Variants in CFAP20DC observed in about 807,000 individuals in gnomAD.
CFAP20DC encodes the protein CFAP20 domain containing.
Under a neutral mutation model 101.7 loss-of-function variants are expected in CFAP20DC, and 84 were observed. That is an observed-to-expected ratio of 0.83 (90% CI 0.69 to 0.99). The LOEUF is 0.99. Ranked by LOEUF, CFAP20DC falls within the 50% of genes least tolerant of loss-of-function variation. The pLI is 0.00. For missense variants in CFAP20DC, 1,007 were observed against 970.3 expected, an observed-to-expected ratio of 1.04 and a Z score of -0.50; for synonymous variants, 359 against 351.2, an observed-to-expected ratio of 1.02 and a Z score of -0.25.
At chr3:58,932,167 G>A (rs774779685) in intron 5 of CFAP20DC, among the ~76,000 whole-genome samples, 1 of 152,140 alleles carries the variant, frequency 6.6e-6, no homozygotes, top group Non-Finnish European at 1.5e-5. Context: ...GGAAGAAAGG[G>A]TATCAGTGAT....
At chr3:59,016,944 T>C (rs563033958) in intron 4 of CFAP20DC, among the ~76,000 whole-genome samples, 2 of 152,194 alleles carry the variant, frequency 1.3e-5, no homozygotes, top group Non-Finnish European at 2.9e-5. Context: ...AGGCTAATGA[T>C]GAAGAGAGGG....
intron 15 of CFAP20DC, among the ~76,000 whole-genome samples, chr3:58,763,345 G>C (rs1366068919): frequency 6.6e-6 from 1 of 152,318 alleles, no homozygotes; most frequent in East Asian, 1.9e-4. Flanking sequence ...ACTGAGGCTT[G>C]TGTATTCATC....
In CFAP20DC at chr3:58,816,223, G is replaced by A. The variant is rs540711824; in HGVS notation, c.2176-9767C>T. Among the ~76,000 whole-genome samples the A allele has an allele frequency of 6.1e-3, 928 of 151,764 alleles. 10 individuals are homozygous for A. Among genetic ancestry groups the A allele is most frequent in the African/African-American group, 0.02 (842 of 41,120 alleles). ...ATGTCCTTTGTAGGGACATGGATGA[G>A]ACTGGAAATCATCATTCTCAGTAAA... On this transcript the variant is annotated intron_variant, in intron 14 of 16. Coordinates refer to ENST00000482387, the MANE Select transcript of CFAP20DC (RefSeq NM_001394063.1).
chr3:58,960,733 C>G (rs150191237), intron 4 of CFAP20DC, among the ~76,000 whole-genome samples: 149 of 152,140 alleles, frequency 9.8e-4, no homozygotes, highest in African/African-American at 3.4e-3. Context: ...GACAGCTTTC[C>G]TTTTTCCTTT....
intron 15 of CFAP20DC, among the ~76,000 whole-genome samples, chr3:58,768,013 G>C (rs1444601552): frequency 6.6e-6 from 1 of 152,094 alleles, no homozygotes; most frequent in Non-Finnish European, 1.5e-5. Context: ...TTATGGCTAA[G>C]GAATAATTCT....
intron 4 of CFAP20DC, among the ~76,000 whole-genome samples, chr3:58,963,323 T>C (rs2091303862): frequency 6.6e-6 from 1 of 151,832 alleles, no homozygotes; most frequent in Non-Finnish European, 1.5e-5. Context: ...TTGTCCAGTT[T>C]TACTATTGCT....
intron 12 of CFAP20DC, among the ~76,000 whole-genome samples, chr3:58,852,042 C>A (rs1243321431): frequency 6.6e-6 from 1 of 152,124 alleles, no homozygotes; most frequent in Non-Finnish European, 1.5e-5. Flanking sequence ...AATGCCTTGA[C>A]CAATGCCCAA....
chr3:58,942,122 T>C (rs1002113469), intron 4 of CFAP20DC, among the ~76,000 whole-genome samples: 1 of 152,232 alleles, frequency 6.6e-6, no homozygotes, highest in Admixed American at 6.5e-5. Context: ...GTTGAAATTA[T>C]CCTGTTGTTT....
chr3:58,963,657 T>C (rs1576505588), intron 4 of CFAP20DC, among the ~76,000 whole-genome samples: 1 of 152,136 alleles, frequency 6.6e-6, no homozygotes, highest in African/African-American at 2.4e-5. Context: ...GATACTTTCA[T>C]TATTCATAAA....
chr3:59,023,137 C>T (rs2093832011), intron 4 of CFAP20DC, among the ~76,000 whole-genome samples: 2 of 150,106 alleles, frequency 1.3e-5, no homozygotes, highest in Admixed American at 6.7e-5. Context: ...TAGTCCTGTT[C>T]ACCTGCTTTC....
chr3:58,726,966 C>A, intron 3 of CFAP20DC: 1 of 249,490 alleles, frequency 4.0e-6, no homozygotes. Flanking sequence ...TGAGAGCGAC[C>A]CATCCCTTCC....
At chr3:58,876,729 C>T (rs543554475) in intron 7 of CFAP20DC, among the ~76,000 whole-genome samples, 7 of 152,104 alleles carry the variant, frequency 4.6e-5, no homozygotes, top group East Asian at 1.9e-4. Context: ...TAAATTTGCA[C>T]GGTTTTCAAA....
At chr3:58,889,274 G>T (rs1310270752) in intron 6 of CFAP20DC, among the ~76,000 whole-genome samples, 1 of 152,014 alleles carries the variant, frequency 6.6e-6, no homozygotes, top group East Asian at 1.9e-4. Context: ...ACAATAGTAG[G>T]GTACAAGTAT....
intron 14 of CFAP20DC, among the ~76,000 whole-genome samples, chr3:58,817,057 C>T (rs1025773863): frequency 5.9e-5 from 9 of 152,076 alleles, no homozygotes; most frequent in African/African-American, 2.2e-4. Context: ...CAGGGTATTC[C>T]AACAGACCTG....
chr3:58,839,384 T>C lies in CFAP20DC; in HGVS notation c.1972-7495A>G, dbSNP rs544765126. 5.9e-5 allele frequency among the ~76,000 whole-genome samples: 9 copies of C among 152,234 alleles called. No homozygotes were observed. In the East Asian group the frequency reaches 1.7e-3, roughly 29 times the overall value. Reference sequence around the variant, plus strand: ...CAAAGAGGAATAATAAGGCCTCTTGTGAGGGTTGGAGATGAAGATAAGATA... The same window carrying C: ...CAAAGAGGAATAATAAGGCCTCTTGCGAGGGTTGGAGATGAAGATAAGATA... On this transcript the variant is annotated intron_variant, in intron 13 of 16. Transcript: ENST00000482387.
At chr3:58,738,330 C>T (rs1161202643), downstream of CFAP20DC, among the ~76,000 whole-genome samples, 1 of 152,076 alleles carries the variant, frequency 6.6e-6, no homozygotes, top group Non-Finnish European at 1.5e-5. The surrounding 1 kb of genome is among the most constrained non-coding windows in gnomAD (Gnocchi z 4.4). Context: ...CTTCCTGATG[C>T]TCTCCCTCCC....
chr3:58,811,524 T>A (rs9814040), intron 14 of CFAP20DC, among the ~76,000 whole-genome samples: 1 of 151,978 alleles, frequency 6.6e-6, no homozygotes, highest in Non-Finnish European at 1.5e-5. Context: ...GAAACTGGAT[T>A]CCTTCCTTAT....
At chr3:58,781,513 G>C (rs2071823486) in intron 15 of CFAP20DC, among the ~76,000 whole-genome samples, 1 of 151,800 alleles carries the variant, frequency 6.6e-6, no homozygotes, top group Non-Finnish European at 1.5e-5. Flanking sequence ...ACAAAAAGTT[G>C]GCTTTTTGAA....
At position 58,865,432 on chromosome 3, in the gene CFAP20DC, A is replaced by G. The variant is rs111772793; in HGVS notation, c.1258+1134T>C. ...GTATACTTCCTAGAGAAAACCTACT[A>G]GGGACAAGGCTTTCATATATTGAGG... is the stretch of plus-strand genomic sequence containing the variant. On this transcript the variant is annotated intron_variant, in intron 11 of 16. Transcript: ENST00000482387. Among the ~76,000 whole-genome samples, 15 of 152,342 alleles carry G rather than the reference A, an allele frequency of 9.8e-5. 1 individual carries two copies. Among genetic ancestry groups the G allele is most frequent in the African/African-American group, 3.4e-4 (14 of 41,590 alleles).
Sources: gnomAD v4.1 joint callset for allele counts (sites outside exome capture counted in the v4.1 genomes callset) on GRCh38, gnomAD v4.1.1 for gene constraint, Gnocchi (gnomAD v3.1) non-coding constraint, MANE v1.5 for transcripts, NCBI Gene and HGNC (gene_info 2026-07-23, HGNC 2026-07-21) for gene names.